The following CSGALNACT1 variants were observed in gnomAD, a reference collection of about 807,000 sequenced individuals.
CSGALNACT1 encodes beta4GalNAcT-1.
In CSGALNACT1, 52 loss-of-function variants were observed where a neutral mutation model predicts 51.0. That is an observed-to-expected ratio of 1.02 (90% CI 0.82 to 1.29). The LOEUF (loss-of-function observed/expected upper bound fraction) is 1.29, where lower values mean the gene tolerates loss of function less well. Ranked by LOEUF, CSGALNACT1 falls within the 50% of genes most tolerant of loss-of-function variation. The pLI is 0.00. For synonymous variants in CSGALNACT1, 341 were observed against 254.4 expected (o/e 1.34, Z -3.24); for missense variants, 935 against 679.2 (o/e 1.38, Z -4.19).
intron 2 of CSGALNACT1, among the ~76,000 whole-genome samples, chr8:19,592,733 G>A (rs906030275): frequency 6.6e-6 from 1 of 152,116 alleles, no homozygotes; most frequent in African/African-American, 2.4e-5. Context: ...CTGCACCACT[G>A]CACTCTGGCC....
chr8:19,531,716 G>C (rs2082799772), intron 3 of CSGALNACT1: 1 of 152,200 alleles, frequency 6.6e-6, no homozygotes, highest in Non-Finnish European at 1.5e-5. Flanking sequence ...GACTTCGGTG[G>C]AACAAAAGAA....
upstream of CSGALNACT1, among the ~76,000 whole-genome samples, chr8:19,687,456 A>G (rs2061040394): frequency 6.6e-6 from 1 of 152,224 alleles, no homozygotes; most frequent in South Asian, 2.1e-4. Context: ...TCAATGTACA[A>G]TGCCGTACAG....
At chr8:19,616,626 T>A (rs2053055876) in intron 1 of CSGALNACT1, among the ~76,000 whole-genome samples, 1 of 152,160 alleles carries the variant, frequency 6.6e-6, no homozygotes, top group South Asian at 2.1e-4. Flanking sequence ...ACCAATCCCA[T>A]GGTACTGTCC....
rs571815738 is a variant in CSGALNACT1 at position 19,742,150 on chromosome 8, G to A, written c.-297+15700C>T. On this transcript the variant is annotated intron_variant, in intron 1 of 1. Coordinates refer to the CSGALNACT1 transcript ENST00000517494. ...AGACAAAACAACTGAGACAGCGCTTGGCACACAGTGAGCACAATATAAATG... is the reference window on the plus strand; with the variant it reads ...AGACAAAACAACTGAGACAGCGCTTAGCACACAGTGAGCACAATATAAATG... Among the ~76,000 whole-genome samples, 72 of 152,292 alleles carry A rather than the reference G, an allele frequency of 4.7e-4. No homozygotes were observed. The South Asian group carries it at 0.014, about 30-fold the overall frequency.
intron 1 of CSGALNACT1, among the ~76,000 whole-genome samples, chr8:19,616,118 C>T (rs751817220): frequency 6.6e-5 from 10 of 152,214 alleles, no homozygotes; most frequent in Non-Finnish European, 1.3e-4. Flanking sequence ...TCATACAATA[C>T]TAGGCAAAAG....
intron 4 of CSGALNACT1, among the ~76,000 whole-genome samples, chr8:19,488,388 T>C (rs980185653): frequency 3.2e-4 from 18 of 56,914 alleles, no homozygotes; most frequent in African/African-American, 1.2e-3. Flanking sequence ...TATATATATA[T>C]ATATATATAT....
chr8:19,556,521 G>A (rs568763546), intron 3 of CSGALNACT1, among the ~76,000 whole-genome samples: 1 of 152,148 alleles, frequency 6.6e-6, no homozygotes, highest in Non-Finnish European at 1.5e-5. Context: ...CATCAATTCA[G>A]AGTCAATATT....
intron 3 of CSGALNACT1, among the ~76,000 whole-genome samples, chr8:19,563,398 C>T (rs2041218301): frequency 6.6e-6 from 1 of 152,108 alleles, no homozygotes; most frequent in African/African-American, 2.4e-5. Context: ...ATGTAACAAA[C>T]CTGTATATCC....
intron 3 of CSGALNACT1, among the ~76,000 whole-genome samples, chr8:19,515,561 A>G (rs1019528865): frequency 1.3e-5 from 2 of 152,202 alleles, no homozygotes; most frequent in African/African-American, 4.8e-5. Flanking sequence ...CAAAAAAATA[A>G]ATAACTAAGT....
intron 4 of CSGALNACT1, among the ~76,000 whole-genome samples, chr8:19,471,914 T>G (rs1387356901): frequency 6.6e-6 from 1 of 152,236 alleles, no homozygotes; most frequent in African/African-American, 2.4e-5. Flanking sequence ...TCTCTAGAGC[T>G]GGCTGGACCC....
rs1320805200 is a variant in CSGALNACT1 at position 19,674,396 on chromosome 8, G to C, written c.-544+8077C>G. Among the ~76,000 whole-genome samples the C allele has an allele frequency of 2.6e-5, 4 of 152,162 alleles. No homozygotes were observed. In the East Asian group the frequency reaches 7.7e-4, roughly 29 times the overall value. The stretch of plus-strand genomic sequence containing the variant: ...GGTATCTCAGCAGAGATCAGAAGTT[G>C]AGTGAGAGATAATCCTGCAGATATG... On this transcript the variant is annotated intron_variant, in intron 1 of 9. Coordinates refer to the CSGALNACT1 transcript ENST00000332246.
At chr8:19,472,439 C>T (rs1208967508) in intron 4 of CSGALNACT1, among the ~76,000 whole-genome samples, 1 of 152,210 alleles carries the variant, frequency 6.6e-6, no homozygotes, top group Non-Finnish European at 1.5e-5. Flanking sequence ...ACTGAAATTT[C>T]CATCACTCTG....
At chr8:19,729,537 G>C (rs914496821) in intron 1 of CSGALNACT1, among the ~76,000 whole-genome samples, 1 of 152,162 alleles carries the variant, frequency 6.6e-6, no homozygotes, top group East Asian at 1.9e-4. Flanking sequence ...CTGTAGAGAG[G>C]TTTCAAGGAT....
chr8:19,653,797 T>A (rs1416514259), intron 1 of CSGALNACT1, among the ~76,000 whole-genome samples: 1 of 147,844 alleles, frequency 6.8e-6, no homozygotes, highest in Non-Finnish European at 1.5e-5. Flanking sequence ...TACCTTGTCT[T>A]AAAAAAAAAA....
chr8:19,612,063 A>G (rs537254427), intron 1 of CSGALNACT1, among the ~76,000 whole-genome samples: 1 of 152,228 alleles, frequency 6.6e-6, no homozygotes, highest in East Asian at 1.9e-4. Flanking sequence ...TCTCCATGAG[A>G]CCAGCACAGT....
At chr8:19,698,230 G>A (rs1167929223) in intron 1 of CSGALNACT1, among the ~76,000 whole-genome samples, 1 of 152,154 alleles carries the variant, frequency 6.6e-6, no homozygotes, top group Non-Finnish European at 1.5e-5. Context: ...TCAGAAAGCT[G>A]GATTTCAGTT....
At chr8:19,640,978 G>C (rs537473087) in intron 1 of CSGALNACT1, among the ~76,000 whole-genome samples, 3 of 151,776 alleles carry the variant, frequency 2.0e-5, no homozygotes, top group South Asian at 2.1e-4. Flanking sequence ...AAACCCATTA[G>C]AGTTCAGACT....
At chr8:19,430,659 A>G (rs572232346) in intron 6 of CSGALNACT1, among the ~76,000 whole-genome samples, 48 of 152,252 alleles carry the variant, frequency 3.2e-4, no homozygotes, top group South Asian at 1.7e-3. Context: ...TGTTCTGTTA[A>G]GATTGTTCTG....
At chr8:19,505,525 C>T (rs764379930) in exon 4 of CSGALNACT1, 2 of 1,613,866 alleles carry the variant, frequency 1.2e-6, no homozygotes, top group African/African-American at 2.7e-5. Flanking sequence ...CCCAGGCCAG[C>T]AGCATCGCTG....
Sources: gnomAD v4.1 joint callset for allele counts (sites outside exome capture counted in the v4.1 genomes callset) on GRCh38, gnomAD v4.1.1 for gene constraint, MANE v1.5 for transcripts, NCBI Gene and HGNC (gene_info 2026-07-23, HGNC 2026-07-21) for gene names.